Variants in WWOX observed in about 807,000 individuals in gnomAD.
WWOX encodes WW domain-containing oxidoreductase.
Under a neutral mutation model 46.2 loss-of-function variants are expected in WWOX, and 69 were observed. The observed-to-expected ratio is 1.49, with a 90% CI of 1.23 to 1.82. WWOX has a LOEUF of 1.82. Ranked by LOEUF, WWOX falls within the 40% of genes most tolerant of loss-of-function variation. The pLI is 0.00. For synonymous variants in WWOX, 359 were observed against 202.6 expected (o/e 1.77, Z -6.56); for missense variants, 919 against 542.6 (o/e 1.69, Z -6.89).
At chr16:79,108,257 C>G (rs932456071) in intron 8 of WWOX, among the ~76,000 whole-genome samples, 1 of 152,204 alleles carries the variant, frequency 6.6e-6, no homozygotes, top group African/African-American at 2.4e-5. Context: ...AGACTATATC[C>G]TCTGCAAAAG....
At chr16:78,873,811 A>G (rs538221283) in intron 8 of WWOX, among the ~76,000 whole-genome samples, 112 of 152,206 alleles carry the variant, frequency 7.4e-4, no homozygotes, top group Non-Finnish European at 1.4e-3. Context: ...ATAGTAAAAT[A>G]AAACGAGATA....
At chr16:78,442,410 A>C (rs974826066) in intron 8 of WWOX, among the ~76,000 whole-genome samples, 1 of 152,006 alleles carries the variant, frequency 6.6e-6, no homozygotes, top group Non-Finnish European at 1.5e-5. Flanking sequence ...GAAACTTAGG[A>C]TCCTTTGACC....
chr16:78,396,314 A>C (rs76894589), intron 6 of WWOX, among the ~76,000 whole-genome samples: 2 of 152,132 alleles, frequency 1.3e-5, no homozygotes, highest in Non-Finnish European at 2.9e-5. Context: ...GAAAAAAAAA[A>C]GTTAGTGAGC....
chr16:78,622,934 G>C (rs545091265), intron 8 of WWOX, among the ~76,000 whole-genome samples: 1 of 152,216 alleles, frequency 6.6e-6, no homozygotes, highest in East Asian at 1.9e-4. Flanking sequence ...AAAGTAAGCT[G>C]CCTTGCAGTA....
chr16:78,377,633 T>A (rs2151926774), intron 5 of WWOX, among the ~76,000 whole-genome samples: 1 of 152,338 alleles, frequency 6.6e-6, no homozygotes, highest in East Asian at 1.9e-4. Flanking sequence ...TTAAACTGTT[T>A]TTAAGCTGCA....
intron 4 of WWOX, among the ~76,000 whole-genome samples, chr16:78,153,618 G>C (rs1021314567): frequency 3.9e-5 from 6 of 152,024 alleles, no homozygotes; most frequent in Non-Finnish European, 7.4e-5. Context: ...GGGCTGGAGG[G>C]GGCTGGAAAT....
At chr16:78,591,119 C>T (rs1031202636) in intron 8 of WWOX, among the ~76,000 whole-genome samples, 16 of 152,302 alleles carry the variant, frequency 1.1e-4, no homozygotes, top group African/African-American at 3.9e-4. Context: ...CTGAGATTGT[C>T]TGTCAGCTTT....
At chr16:78,414,980 A>C (rs1041848810) in intron 6 of WWOX, among the ~76,000 whole-genome samples, 1 of 151,964 alleles carries the variant, frequency 6.6e-6, no homozygotes, top group African/African-American at 2.4e-5. Context: ...AAGTAAAAGA[A>C]TAAAAGAATG....
chr16:78,115,251 T>G, intron 4 of WWOX, 97 bp downstream of exon 4: 2 of 1,395,336 alleles, frequency 1.4e-6, no homozygotes, highest in Non-Finnish European at 2.0e-6. Context: ...TTCTCTGATT[T>G]AAACATGACT....
intron 8 of WWOX, among the ~76,000 whole-genome samples, chr16:78,785,711 G>T (rs1474237285): frequency 1.3e-5 from 2 of 152,150 alleles, no homozygotes. Flanking sequence ...ATGAATATTG[G>T]TTGATATTTT....
chr16:78,463,920 A>G lies in WWOX; in HGVS notation c.1056+31168A>G, dbSNP rs2738660. On this transcript the variant is annotated intron_variant, in intron 8 of 8. Coordinates refer to ENST00000566780, the MANE Select transcript of WWOX (RefSeq NM_016373.4). Reference sequence around the variant, plus strand: ...TTGGGGCTCAGGATGAGGATGTTCAATTTGTACTGCTGGTGGAGCTGCCTT... The same window carrying G: ...TTGGGGCTCAGGATGAGGATGTTCAGTTTGTACTGCTGGTGGAGCTGCCTT... Among the ~76,000 whole-genome samples the G allele has an allele frequency of 2.5e-3, 377 of 152,072 alleles. 9 individuals are homozygous for G. Among genetic ancestry groups the G allele is most frequent in the Admixed American group, 0.021 (326 of 15,274 alleles).
chr16:78,106,157 A>C (rs961873345), intron 1 of WWOX, among the ~76,000 whole-genome samples: 18 of 152,174 alleles, frequency 1.2e-4, no homozygotes, highest in Non-Finnish European at 2.4e-4. Context: ...AGCACATTTG[A>C]TGTGTGCCTA....
chr16:79,121,368 G>A (rs371606726), intron 8 of WWOX, among the ~76,000 whole-genome samples: 7 of 152,120 alleles, frequency 4.6e-5, no homozygotes, highest in African/African-American at 1.4e-4. Flanking sequence ...AAAATTTTAC[G>A]CATTGTGTTT....
At chr16:78,106,951 A>G (rs529794013) in intron 1 of WWOX, among the ~76,000 whole-genome samples, 1 of 152,342 alleles carries the variant, frequency 6.6e-6, no homozygotes, top group Admixed American at 6.5e-5. Context: ...TGAGTGAGGC[A>G]TTCCTGCACT....
At chr16:78,927,191 G>A (rs531646457) in intron 8 of WWOX, among the ~76,000 whole-genome samples, 11 of 152,340 alleles carry the variant, frequency 7.2e-5, no homozygotes, top group Non-Finnish European at 4.4e-5. Context: ...AGGAGAGAAT[G>A]AGGTATGTGG....
At chr16:78,906,347 G>C (rs76187751) in intron 8 of WWOX, among the ~76,000 whole-genome samples, 1 of 152,124 alleles carries the variant, frequency 6.6e-6, no homozygotes, top group Non-Finnish European at 1.5e-5. Context: ...AAGAAAGCCC[G>C]GCTGGAAGTG....
chr16:79,001,977 CAG>C (rs1157242118), intron 8 of WWOX, among the ~76,000 whole-genome samples: 1 of 152,004 alleles, frequency 6.6e-6, no homozygotes, highest in African/African-American at 2.4e-5. Context: ...AGAAGAAAAT[CAG>C]GGGCAGAGGA....
At chr16:78,688,277 G>C (rs905072045) in intron 8 of WWOX, among the ~76,000 whole-genome samples, 2 of 150,504 alleles carry the variant, frequency 1.3e-5, no homozygotes, top group Non-Finnish European at 2.9e-5. Context: ...TTGTTGCATC[G>C]TCTTTATCCT....
intron 8 of WWOX, among the ~76,000 whole-genome samples, chr16:78,728,727 C>G (rs755367374): frequency 2.6e-5 from 4 of 152,156 alleles, no homozygotes; most frequent in Non-Finnish European, 5.9e-5. Context: ...TTTTCACATC[C>G]TATGATTCCA....
Sources: gnomAD v4.1 joint callset for allele counts (sites outside exome capture counted in the v4.1 genomes callset) on GRCh38, gnomAD v4.1.1 for gene constraint, MANE v1.5 for transcripts, NCBI Gene and HGNC (gene_info 2026-07-23, HGNC 2026-07-21) for gene names.